Variants in CDH12 observed in about 807,000 individuals in gnomAD.
The protein encoded by CDH12 is cadherin 12.
Under a neutral mutation model 74.1 loss-of-function variants are expected in CDH12, and 41 were observed. The observed-to-expected ratio is 0.55, with a 90% CI of 0.43 to 0.72. The LOEUF (loss-of-function observed/expected upper bound fraction) is 0.72. Among genes scored for constraint, CDH12 ranks in the 30% least tolerant of loss-of-function variants. CDH12 has a pLI of 0.00. For missense variants in CDH12, 945 were observed against 977.2 expected (o/e 0.97, Z 0.44); for synonymous variants, 399 against 355.0 (o/e 1.12, Z -1.39).
chr5:21,825,359 T>G (rs1256653489), intron 8 of CDH12, among the ~76,000 whole-genome samples: 1 of 152,126 alleles, frequency 6.6e-6, no homozygotes, highest in Non-Finnish European at 1.5e-5. Context: ...TCAATTGAAG[T>G]GTCCTTCATC....
At chr5:22,414,953 T>C (rs1580623256) in intron 2 of CDH12, among the ~76,000 whole-genome samples, 2 of 152,204 alleles carry the variant, frequency 1.3e-5, no homozygotes. Flanking sequence ...TAGTAACAAA[T>C]ATATCCCTTT....
chr5:22,562,101 A>G, intron 1 of CDH12, among the ~76,000 whole-genome samples: 1 of 152,166 alleles, frequency 6.6e-6, no homozygotes, highest in East Asian at 1.9e-4. Context: ...GCGGATCATG[A>G]GGTCAGGAGA....
In CDH12 at chr5:22,681,261, GTGTA is replaced by G. The variant is rs1392470262; in HGVS notation, c.-523+171793_-523+171796del. 6.8e-3 allele frequency among the ~76,000 whole-genome samples: 1,020 copies of G among 150,894 alleles called. 8 individuals are homozygous for G. Among genetic ancestry groups the G allele is most frequent in the East Asian group, 0.019 (98 of 5,106 alleles). On this transcript the variant is annotated intron_variant, in intron 1 of 14. Transcript: ENST00000382254. ...TGTGTGTGTGTGTGTGTGTGTGTGTGTGTATTAGATAAGTGCCCAGGAGCAGTTT... is the reference window on the plus strand; with the variant it reads ...TGTGTGTGTGTGTGTGTGTGTGTGTGTTAGATAAGTGCCCAGGAGCAGTTT...
At chr5:21,869,314 G>A (rs1022314658) in intron 6 of CDH12, among the ~76,000 whole-genome samples, 4 of 152,250 alleles carry the variant, frequency 2.6e-5, no homozygotes, top group Non-Finnish European at 5.9e-5. Context: ...GTAGGACCAG[G>A]AATGACCCAG....
chr5:22,314,151 A>C (rs1315582241), intron 3 of CDH12, among the ~76,000 whole-genome samples: 1 of 152,128 alleles, frequency 6.6e-6, no homozygotes, highest in Non-Finnish European at 1.5e-5. Context: ...TATATATTCG[A>C]CTTGAAGTGT....
chr5:22,425,073 T>TAG (rs1426811834), intron 2 of CDH12, among the ~76,000 whole-genome samples: 6 of 103,786 alleles, frequency 5.8e-5, no homozygotes, highest in South Asian at 2.9e-4. Context: ...TATATATATA[T>TAG]ATATAGAGAG....
intron 1 of CDH12, among the ~76,000 whole-genome samples, chr5:22,648,798 C>G (rs1031506107): frequency 6.6e-6 from 1 of 151,678 alleles, no homozygotes; most frequent in African/African-American, 2.4e-5. Context: ...AACTTTTTTT[C>G]ACCACTTTCT....
chr5:21,851,552 T>C (rs556878082), intron 7 of CDH12, among the ~76,000 whole-genome samples: 59 of 151,276 alleles, frequency 3.9e-4, no homozygotes, highest in Non-Finnish European at 7.7e-4. Context: ...TTTAATGTTT[T>C]ATAGTTGTAG....
intron 1 of CDH12, among the ~76,000 whole-genome samples, chr5:22,572,538 A>G (rs1014658214): frequency 2.0e-5 from 3 of 152,082 alleles, no homozygotes; most frequent in African/African-American, 7.2e-5. Context: ...TCAGACAGTA[A>G]GAAGGTTTTC....
intron 3 of CDH12, among the ~76,000 whole-genome samples, chr5:22,403,304 A>G (rs1334194802): frequency 6.6e-6 from 1 of 152,240 alleles, no homozygotes; most frequent in Non-Finnish European, 1.5e-5. Flanking sequence ...ACCCTTGAGA[A>G]GTCTAAATAA....
At chr5:22,318,881 G>A (rs1429296220) in intron 3 of CDH12, among the ~76,000 whole-genome samples, 1 of 151,532 alleles carries the variant, frequency 6.6e-6, no homozygotes, top group African/African-American at 2.4e-5. Context: ...GTCTGGTAGG[G>A]GAAAAAAAAA....
chr5:22,122,999 T>A (rs1183449100), intron 4 of CDH12, among the ~76,000 whole-genome samples: 1 of 152,206 alleles, frequency 6.6e-6, no homozygotes, highest in Non-Finnish European at 1.5e-5. Context: ...ATCCTAAATA[T>A]CTGGGGAGTT....
chr5:22,026,635 T>A (rs1738378908), intron 5 of CDH12, among the ~76,000 whole-genome samples: 1 of 152,102 alleles, frequency 6.6e-6, no homozygotes, highest in Non-Finnish European at 1.5e-5. Flanking sequence ...AGGGTTCAGA[T>A]CAGGGGTAGG....
intron 3 of CDH12, among the ~76,000 whole-genome samples, chr5:22,303,294 CCATT>C (rs2150421479): frequency 6.6e-6 from 1 of 151,850 alleles, no homozygotes; most frequent in African/African-American, 2.4e-5. Context: ...CATAAAAAGT[CCATT>C]CAATAAAAAC....
chr5:22,319,244 A>G (rs1389592294), intron 3 of CDH12, among the ~76,000 whole-genome samples: 2 of 152,226 alleles, frequency 1.3e-5, no homozygotes, highest in Non-Finnish European at 2.9e-5. Flanking sequence ...AAATAGAATC[A>G]TTGGCGATAC....
At position 22,061,714 on chromosome 5, in the gene CDH12, G is replaced by C. The variant is rs561305821; in HGVS notation, c.231+16732C>G. On this transcript the variant is annotated intron_variant, in intron 5 of 14. Coordinates refer to ENST00000382254, the MANE Select transcript of CDH12 (RefSeq NM_004061.5). ...AATCCAACTAATATTCTAGAGAAAA[G>C]ATTTCTGACACATGCATGCACATAT... Among the ~76,000 whole-genome samples the C allele has an allele frequency of 4.6e-5, 7 of 152,212 alleles. No individual in the cohort carries two copies. The South Asian group carries it at 1.5e-3, about 32-fold the overall frequency.
At chr5:22,118,381 C>T (rs995013013) in intron 4 of CDH12, among the ~76,000 whole-genome samples, 4 of 152,034 alleles carry the variant, frequency 2.6e-5, no homozygotes, top group East Asian at 3.9e-4. Context: ...CGGAAATATT[C>T]GTTGTTGTCG....
At chr5:22,236,152 G>T (rs1752552391) in intron 3 of CDH12, among the ~76,000 whole-genome samples, 1 of 152,198 alleles carries the variant, frequency 6.6e-6, no homozygotes, top group Admixed American at 6.5e-5. Context: ...AGCAGCGAAT[G>T]AATATGAAGG....
rs1210885104 is a variant in CDH12, at chr5:22,847,908, G to C, written c.-523+5150C>G. On this transcript the variant is annotated intron_variant, in intron 1 of 14. Coordinates refer to ENST00000382254, the MANE Select transcript of CDH12 (RefSeq NM_004061.5). ...TCTTTCTTTTTTTTCTTGTGAGACCGAGTCTCACTCTGTCGCCCAGGCTGG... is the reference window on the plus strand; with the variant it reads ...TCTTTCTTTTTTTTCTTGTGAGACCCAGTCTCACTCTGTCGCCCAGGCTGG... Among the ~76,000 whole-genome samples the C allele has an allele frequency of 3.3e-5, 5 of 149,314 alleles. No individual in the cohort carries two copies. The Admixed American group carries it at 3.4e-4, about 10-fold the overall frequency.
Sources: allele counts gnomAD v4.1 joint callset (sites outside exome capture counted in the v4.1 genomes callset), GRCh38; gene constraint gnomAD v4.1.1; transcripts MANE v1.5; gene names NCBI Gene and HGNC (gene_info 2026-07-23, HGNC 2026-07-21).